SHC2: variants seen among roughly 807,000 people sequenced by gnomAD.
SHC2 encodes SHC adaptor protein 2, also known as SHC-transforming protein 2.
SHC2 carries 62 observed loss-of-function variants against 60.6 expected under a neutral mutation model. The ratio of observed to expected loss-of-function variants is 1.02; its 90% CI spans 0.83 to 1.26. The LOEUF (loss-of-function observed/expected upper bound fraction) is 1.26. Ranked by LOEUF, SHC2 falls within the 50% of genes most tolerant of loss-of-function variation. SHC2 has a pLI of 0.00. For synonymous variants in SHC2, 375 were observed against 372.4 expected (o/e 1.01, Z -0.08); for missense variants, 873 against 822.2 (o/e 1.06, Z -0.76).
Position 460,873 on chromosome 19 carries a change from C to T in SHC2, c.124G>A (p.Gly42Ser). The change falls in exon 1 of 13, where the codon GGC becomes AGC. Residue 42 changes from glycine (G) to serine (S), a missense_variant. Coordinates refer to ENST00000264554, the MANE Select transcript of SHC2 (RefSeq NM_012435.3). Reference protein sequence around the residue: ...MPQWKFAAPGGFLGRGPAAAR... With the variant: ...MPQWKFAAPGSFLGRGPAAAR... ...GCCGCCGGGCCGCGGCCCAGGAAGC[C>T]GCCCGGGGCCGCGAACTTCCACTGC... 4 of 988,674 alleles carry T rather than the reference C, an allele frequency of 4.0e-6. No individual in the cohort carries two copies. The highest frequency in any genetic ancestry group is 4.8e-6 in the Non-Finnish European group (4 of 833,646). 61.2% of individuals were successfully genotyped at this position (988,674 alleles called of 1,614,324 possible).
At position 445,321 on chromosome 19, in the gene SHC2, C is replaced by T. The variant is rs1975026775; in HGVS notation, c.469-4389G>A. On this transcript the variant is annotated intron_variant, in intron 1 of 12. Coordinates refer to ENST00000264554, the MANE Select transcript of SHC2 (RefSeq NM_012435.3). The surrounding 1 kb of genome is among the most constrained non-coding windows in gnomAD (Gnocchi z 4.4). ...CTTATAAAAGAGACCCCAGACAGAG[C>T]CCAGCCCTCCACCACGTGAGGACAC... Among the ~76,000 whole-genome samples the T allele has an allele frequency of 6.6e-6, 1 of 152,210 alleles. No individual in the cohort carries two copies. Among genetic ancestry groups the T allele is most frequent in the African/African-American group, 2.4e-5 (1 of 41,450 alleles).
chr19:460,520 G>C lies in SHC2; in HGVS notation c.468+9C>G, dbSNP rs1300176664. Reference sequence around the variant, plus strand: ...GAACGGGCTCCCGGGGGGGGTGGGGGGGACTCACCCGCACGACGTAGGAGA... The same window carrying C: ...GAACGGGCTCCCGGGGGGGGTGGGGCGGACTCACCCGCACGACGTAGGAGA... On this transcript the variant is annotated intron_variant, in intron 1 of 12. Transcript: ENST00000264554. 7.8e-7 allele frequency: 1 copy of C among 1,283,266 alleles called. No individual in the cohort carries two copies. Among genetic ancestry groups the C allele is most frequent in the Non-Finnish European group, 1.0e-6 (1 of 1,003,528 alleles). 79.5% of individuals were successfully genotyped at this position (1,283,266 alleles called of 1,614,324 possible).
rs1040391634 is a variant in SHC2 at position 441,650 on chromosome 19, G to A, written c.469-718C>T. Among the ~76,000 whole-genome samples, 3 of 152,236 alleles carry A rather than the reference G, an allele frequency of 2.0e-5. No homozygotes were observed. Among genetic ancestry groups the A allele is most frequent in the African/African-American group, 7.2e-5 (3 of 41,462 alleles). ...TGTCCTACAGAGGCAGCAAGAGCAT[G>A]TGTGGGTGCCAGGAGCCGGGGAATG... On this transcript the variant is annotated intron_variant, in intron 1 of 12. Transcript: ENST00000264554. This position sits in a 1 kb window ranked among gnomAD's most constrained non-coding sequence, Gnocchi z 4.9.
intron 1 of SHC2, among the ~76,000 whole-genome samples, chr19:452,341 T>G (rs1453790212): frequency 1.0e-5 from 1 of 96,548 alleles, no homozygotes; most frequent in Admixed American, 1.1e-4. Flanking sequence ...CTCCGTTTCA[T>G]TGAGGTTGGG....
At chr19:417,736 C>T (rs182649503) in intron 12 of SHC2, among the ~76,000 whole-genome samples, 19 of 152,254 alleles carry the variant, frequency 1.2e-4, no homozygotes, top group African/African-American at 3.6e-4. Flanking sequence ...GCCCGTGTGC[C>T]ACAGGCCGCA....
In SHC2 at chr19:460,579, G is replaced by A; in HGVS notation, c.418C>T (p.Leu140=). 7.1e-7 allele frequency: 1 copy of A among 1,415,288 alleles called. No homozygotes were observed. The highest frequency in any genetic ancestry group is 9.3e-7 in the Non-Finnish European group (1 of 1,077,872). The allele number at this position is 1,415,288 out of a possible 1,614,324, so 87.7% of individuals were successfully genotyped here. The change falls in exon 1 of 13, where the codon CTA becomes TTA. Residue 140 remains leucine, a synonymous_variant. Transcript: ENST00000264554. ...CCCAGGACCCTGGCGTCGGGGTGTA[G>A]CCAGCCGTGCGCGGGTTTGTGGATG... ...SFIHKPAHGW[L]HPDARVLGPG...
At chr19:428,720 T>C (rs575703384) in intron 9 of SHC2, among the ~76,000 whole-genome samples, 1 of 152,282 alleles carries the variant, frequency 6.6e-6, no homozygotes, top group South Asian at 2.1e-4. Flanking sequence ...TTAAACTCCA[T>C]GATGTTTTGA....
In SHC2 at chr19:440,012, T is replaced by TGAGA. The variant is rs1036123476; in HGVS notation, c.539+846_539+849dup. ...CTGCACTCCAGCCTGGGCAACAGAG[T>TGAGA]GAGACTCCATCTCAAAAAAAAAAAA... On this transcript the variant is annotated intron_variant, in intron 2 of 12. Coordinates refer to ENST00000264554, the MANE Select transcript of SHC2 (RefSeq NM_012435.3). The surrounding 1 kb of genome is among the most constrained non-coding windows in gnomAD (Gnocchi z 7.0). Among the ~76,000 whole-genome samples, 1 of 116,662 alleles carries TGAGA rather than the reference T, an allele frequency of 8.6e-6. No homozygotes were observed. The highest frequency in any genetic ancestry group is 1.7e-5 in the Non-Finnish European group (1 of 59,986). 76.5% of individuals were successfully genotyped at this position (116,662 alleles called of 152,430 possible). A position where few individuals can be genotyped will look rare whatever the true frequency, so the allele number is the denominator to read the frequency against.
intron 11 of SHC2, among the ~76,000 whole-genome samples, chr19:420,849 A>T (rs1974251416): frequency 6.6e-6 from 1 of 151,656 alleles, no homozygotes; most frequent in Non-Finnish European, 1.5e-5. Context: ...CAGGAGTTCG[A>T]GACCAACCTG....
At chr19:421,397 C>CAAAAAAAAAAAAA (rs10582067) in intron 11 of SHC2, among the ~76,000 whole-genome samples, 1 of 120,130 alleles carries the variant, frequency 8.3e-6, no homozygotes, top group East Asian at 2.3e-4. Flanking sequence ...GAGACTCCAT[C>CAAAAAAAAAAAAA]AAAAAAAAAA....
intron 1 of SHC2, among the ~76,000 whole-genome samples, chr19:452,013 G>A (rs539861761): frequency 3.3e-5 from 5 of 152,232 alleles, no homozygotes; most frequent in Non-Finnish European, 5.9e-5. Context: ...CATCTGCCCC[G>A]TCTGTGGCTG....
At position 440,306 on chromosome 19, in the gene SHC2, G is replaced by C. The variant is rs549786033; in HGVS notation, c.539+556C>G. 3.9e-5 allele frequency among the ~76,000 whole-genome samples: 6 copies of C among 152,272 alleles called. No individual in the cohort carries two copies. The South Asian group carries it at 8.3e-4, about 21-fold the overall frequency. On this transcript the variant is annotated intron_variant, in intron 2 of 12. Coordinates refer to ENST00000264554, the MANE Select transcript of SHC2 (RefSeq NM_012435.3). This position sits in a 1 kb window ranked among gnomAD's most constrained non-coding sequence, Gnocchi z 7.0. ...TAGACAGTGGTGATCGTGTGACTCT[G>C]TGAAGAGCCTAAAGTCTCAAACTGT... is the stretch of plus-strand genomic sequence containing the variant.
At chr19:423,123 G>A (rs965488685) in intron 10 of SHC2, among the ~76,000 whole-genome samples, 4 of 151,352 alleles carry the variant, frequency 2.6e-5, no homozygotes, top group African/African-American at 7.3e-5. Context: ...GTCCTGGGGG[G>A]TCCTCCCGCC....
rs940345773 is a variant in SHC2 at position 445,932 on chromosome 19, G to A, written c.469-5000C>T. 3.9e-5 allele frequency among the ~76,000 whole-genome samples: 6 copies of A among 151,998 alleles called. No homozygotes were observed. The highest frequency in any genetic ancestry group is 7.4e-5 in the Non-Finnish European group (5 of 68,006). On this transcript the variant is annotated intron_variant, in intron 1 of 12. Coordinates refer to ENST00000264554, the MANE Select transcript of SHC2 (RefSeq NM_012435.3). The surrounding 1 kb of genome is among the most constrained non-coding windows in gnomAD (Gnocchi z 4.4). ...AGCTGGGCGTGGTGGTTGCATGCCT[G>A]TAATCCCAGCTACTTGGGAGGCTGA...
intron 1 of SHC2, among the ~76,000 whole-genome samples, chr19:457,316 C>G (rs868034918): frequency 2.9e-4 from 33 of 111,902 alleles, no homozygotes; most frequent in Admixed American, 5.5e-4. Context: ...CTGTACCCCC[C>G]CTAGATCTCT....
chr19:450,546 C>T (rs897550484), intron 1 of SHC2, among the ~76,000 whole-genome samples: 3 of 152,214 alleles, frequency 2.0e-5, no homozygotes, highest in African/African-American at 7.2e-5. Context: ...CTCTGTGAAT[C>T]TGATGGCTCT....
At position 438,791 on chromosome 19, in the gene SHC2, C is replaced by T. The variant is rs146206939; in HGVS notation, c.647G>A (p.Arg216His). 4.6e-5 allele frequency: 73 copies of T among 1,576,426 alleles called. No homozygotes were observed. The highest frequency in any genetic ancestry group is 9.4e-5 in the East Asian group (4 of 42,646). ...LASVLGKSNL[R>H]FAGMSISIHI... ...GATGGAGATGCTCATGCCGGCAAAGCGAAGGTTGCTCTTGCCCAGGACGGA... is the reference window on the plus strand; with the variant it reads ...GATGGAGATGCTCATGCCGGCAAAGTGAAGGTTGCTCTTGCCCAGGACGGA... Residue 216 changes from arginine to histidine, a missense_variant, in exon 4 of 13, where the codon CGC becomes CAC. Physicochemically the swap from Arg to His is conservative, Grantham distance 29 (BLOSUM62 0). Transcript: ENST00000264554. The surrounding 1 kb of genome is among the most constrained non-coding windows in gnomAD (Gnocchi z 5.0).
chr19:459,010 C>T (rs1975467506), intron 1 of SHC2, among the ~76,000 whole-genome samples: 1 of 152,088 alleles, frequency 6.6e-6, no homozygotes, highest in African/African-American at 2.4e-5. Flanking sequence ...TGTCTCCTAA[C>T]GGCCCGCTCC....
intron 1 of SHC2, among the ~76,000 whole-genome samples, chr19:447,080 A>G (rs1247190497): frequency 6.6e-6 from 1 of 152,246 alleles, no homozygotes. Context: ...CAACTAAAAT[A>G]TCTATCAACG....
Sources: allele counts gnomAD v4.1 joint callset (sites outside exome capture counted in the v4.1 genomes callset), GRCh38; gene constraint gnomAD v4.1.1; non-coding constraint Gnocchi (gnomAD v3.1); transcripts MANE v1.5; gene names NCBI Gene and HGNC (gene_info 2026-07-23, HGNC 2026-07-21).